Variants in MECR observed in about 807,000 individuals in gnomAD.
MECR encodes enoyl-[acyl-carrier-protein] reductase, mitochondrial.
Under a neutral mutation model 49.1 loss-of-function variants are expected in MECR, and 37 were observed. The observed-to-expected ratio is 0.75, with a 90% confidence interval of 0.58 to 0.99. The LOEUF is 0.99. Ranked by LOEUF, MECR falls within the 50% of genes least tolerant of loss-of-function variation. The pLI is 0.00. For missense variants in MECR, 470 were observed against 479.6 expected (o/e 0.98, Z 0.19); for synonymous variants, 198 against 191.1 (o/e 1.04, Z -0.30).
chr1:29,217,892 TGGA>T (rs1679874981), intron 1 of MECR, among the ~76,000 whole-genome samples: 1 of 152,248 alleles, frequency 6.6e-6, no homozygotes, highest in Non-Finnish European at 1.5e-5. Flanking sequence ...ATGTCCCTTC[TGGA>T]GGAGGATTCT....
chr1:29,181,300 C>A, the MECR span, among the ~76,000 whole-genome samples: 1 of 152,232 alleles, frequency 6.6e-6, no homozygotes, highest in African/African-American at 2.4e-5. Flanking sequence ...TACCCAGAAA[C>A]GAATAGGGCC....
At chr1:29,208,803 G>GA (rs1331483630) in intron 3 of MECR, among the ~76,000 whole-genome samples, 1 of 152,012 alleles carries the variant, frequency 6.6e-6, no homozygotes, top group African/African-American at 2.4e-5. Context: ...TCGAACAGGT[G>GA]AAAAAAAGCA....
At chr1:29,188,135 G>A (rs891496641), downstream of MECR, among the ~76,000 whole-genome samples, 9 of 150,126 alleles carry the variant, frequency 6.0e-5, no homozygotes, top group African/African-American at 2.2e-4. Flanking sequence ...GGCTAGCCTC[G>A]AACTCCTGGA....
At chr1:29,202,984 CTGTTT>C in intron 5 of MECR, 142 bp downstream of exon 5, 2 of 602,716 alleles carry the variant, frequency 3.3e-6, no homozygotes, top group Non-Finnish European at 5.8e-6. Context: ...ACTGACTCAT[CTGTTT>C]CAGCCGCCAA....
At chr1:29,211,146 G>A (rs1039498925) in intron 3 of MECR, among the ~76,000 whole-genome samples, 11 of 149,346 alleles carry the variant, frequency 7.4e-5, no homozygotes, top group Non-Finnish European at 1.5e-4. Flanking sequence ...GTTGGAGTGT[G>A]GCTTACTGCA....
the MECR span, chr1:29,181,613 C>G: frequency 6.4e-7 from 1 of 1,550,558 alleles, no homozygotes. Flanking sequence ...GGGTCTGTCC[C>G]CGCCCGGCCG....
At chr1:29,192,162 C>T (rs1341279486), downstream of MECR, among the ~76,000 whole-genome samples, 1 of 152,148 alleles carries the variant, frequency 6.6e-6, no homozygotes, top group Non-Finnish European at 1.5e-5. Context: ...TTGGTGCCTC[C>T]CTAGGGCTTC....
the MECR span, among the ~76,000 whole-genome samples, chr1:29,184,988 T>C: frequency 5.0e-4 from 74 of 149,446 alleles, no homozygotes; most frequent in African/African-American, 1.7e-3. Context: ...TAGCCAGACA[T>C]GGTGGCAGGC....
chr1:29,230,699 T>C (rs1260738458), intron 1 of MECR, 32 bp downstream of exon 1: 2 of 1,552,976 alleles, frequency 1.3e-6, no homozygotes, highest in Admixed American at 3.9e-5. Flanking sequence ...GAAACCCCAG[T>C]CCCCTTCCCC....
rs1676741428 is a variant in MECR, at chr1:29,206,919, T to G, written c.407-14A>C. 1 of 1,613,790 alleles carries G rather than the reference T, an allele frequency of 6.2e-7. No individual in the cohort carries two copies. Among genetic ancestry groups the G allele is most frequent in the Non-Finnish European group, 8.5e-7 (1 of 1,179,920 alleles). On this transcript the variant is annotated splice_polypyrimidine_tract_variant and intron_variant, in intron 3 of 9. Transcript: ENST00000263702. ...TCCGCCAGGTTCCTGAGTCAGAAGATGAAGCCAGGATCATAAGGAAGGAGC... is the reference window on the plus strand; with the variant it reads ...TCCGCCAGGTTCCTGAGTCAGAAGAGGAAGCCAGGATCATAAGGAAGGAGC...
At chr1:29,196,164 G>A (rs1474220548) in intron 8 of MECR, 34 bp downstream of exon 8, 1 of 1,613,274 alleles carries the variant, frequency 6.2e-7, no homozygotes, top group South Asian at 1.1e-5. Flanking sequence ...GTCTGGCCCG[G>A]CTCCAGGCAT....
At chr1:29,179,947 A>C in the MECR span, among the ~76,000 whole-genome samples, 1 of 152,256 alleles carries the variant, frequency 6.6e-6, no homozygotes, top group Non-Finnish European at 1.5e-5. Flanking sequence ...TTTCCTGCAC[A>C]CTATCACCTG....
At chr1:29,188,973 CTT>C (rs1673074278), downstream of MECR, among the ~76,000 whole-genome samples, 2 of 151,458 alleles carry the variant, frequency 1.3e-5, no homozygotes, top group South Asian at 4.2e-4. Flanking sequence ...GAGATTCACT[CTT>C]GTTGCCCAGG....
chr1:29,168,159 T>C, the MECR span, among the ~76,000 whole-genome samples: 1 of 151,554 alleles, frequency 6.6e-6, no homozygotes, highest in South Asian at 2.1e-4. Flanking sequence ...GGACTACAGG[T>C]GTGCACCACC....
At chr1:29,197,259 C>G (rs1459672755) in intron 7 of MECR, among the ~76,000 whole-genome samples, 1 of 152,164 alleles carries the variant, frequency 6.6e-6, no homozygotes, top group African/African-American at 2.4e-5. Flanking sequence ...AGGTGTCCGA[C>G]CTAGGGTGAT....
At chr1:29,225,624 TTACTA>T (rs1312168364) in intron 1 of MECR, among the ~76,000 whole-genome samples, 3 of 152,124 alleles carry the variant, frequency 2.0e-5, no homozygotes, top group African/African-American at 7.2e-5. Context: ...GCTGGCCAAC[TTACTA>T]TATCAATGCC....
At chr1:29,214,061 CT>C (rs1200557418) in intron 3 of MECR, among the ~76,000 whole-genome samples, 1,822 of 138,466 alleles carry the variant, frequency 0.013, 20 homozygotes, top group African/African-American at 0.04. Context: ...AATCAACTTT[CT>C]TTTTTTTTTT....
chr1:29,194,534 GCCAGAGGAGGC>G (rs1673500780), intron 9 of MECR, among the ~76,000 whole-genome samples: 1 of 152,152 alleles, frequency 6.6e-6, no homozygotes, highest in South Asian at 2.1e-4. Context: ...AGGCAGGGAG[GCCAGAGGAGGC>G]CCAGAGAGGG....
chr1:29,224,006 C>T (rs746119503), intron 1 of MECR: 2 of 152,162 alleles, frequency 1.3e-5, no homozygotes, highest in African/African-American at 4.8e-5. Context: ...CTCTTTAGCA[C>T]AATTGTTTTG....
Sources: allele counts gnomAD v4.1 joint callset (sites outside exome capture counted in the v4.1 genomes callset), GRCh38; gene constraint gnomAD v4.1.1; transcripts MANE v1.5; gene names NCBI Gene and HGNC (gene_info 2026-07-23, HGNC 2026-07-21).